The following RXFP2 variants were observed in gnomAD, a reference collection of about 807,000 sequenced individuals.
The protein encoded by RXFP2 is relaxin family peptide receptor 2, also known as relaxin receptor 2.
Under a neutral mutation model 88.6 loss-of-function variants are expected in RXFP2, and 68 were observed. The ratio of observed to expected loss-of-function variants is 0.77; its 90% confidence interval spans 0.63 to 0.94. The LOEUF is 0.94. RXFP2 is among the 40% of genes least tolerant of loss of function. RXFP2 has a pLI of 0.00. For synonymous variants in RXFP2, 329 were observed against 306.8 expected (o/e 1.07, Z -0.76); for missense variants, 791 against 893.9 (o/e 0.88, Z 1.47).
chr13:31,798,690 T>G (rs1205101236), intron 17 of RXFP2, among the ~76,000 whole-genome samples: 1 of 152,176 alleles, frequency 6.6e-6, no homozygotes, highest in African/African-American at 2.4e-5. Context: ...ATAATATTTC[T>G]TACCTCCCAC....
At chr13:31,780,725 T>A (rs1873226646) in intron 9 of RXFP2, among the ~76,000 whole-genome samples, 1 of 152,068 alleles carries the variant, frequency 6.6e-6, no homozygotes, top group Admixed American at 6.5e-5. Context: ...AATGTCAGAG[T>A]GTTCCGGAAG....
intron 1 of RXFP2, among the ~76,000 whole-genome samples, chr13:31,743,668 C>T (rs939555892): frequency 1.2e-4 from 18 of 151,854 alleles, no homozygotes; most frequent in African/African-American, 4.4e-4. Flanking sequence ...TATTTATTCT[C>T]CCCTCCTCCC....
At chr13:31,772,728 C>T (rs1593459179) in intron 5 of RXFP2, among the ~76,000 whole-genome samples, 1 of 152,136 alleles carries the variant, frequency 6.6e-6, no homozygotes, top group African/African-American at 2.4e-5. Context: ...AGAAGCTCTT[C>T]ATTATTTAAG....
Position 31,792,891 on chromosome 13 carries a change from A to G in RXFP2, c.1589A>G (p.Asn530Ser), listed in dbSNP as rs772788197. The G allele has an allele frequency of 4.3e-6, 7 of 1,614,048 alleles. No homozygotes were observed. The highest frequency in any genetic ancestry group is 1.7e-5 in the Admixed American group (1 of 60,000). ...KFLVIVFPFS[N>S]IRPGKRQTSV... ...CTGGTCATTGTCTTCCCCTTCAGTA[A>G]CATTCGACCTGGAAAACGGCAGACC... The change falls in exon 16 of 18, where the codon AAC becomes AGC. Residue 530 changes from asparagine (N) to serine (S), a missense_variant. Transcript: ENST00000298386.
At chr13:31,788,322 A>G (rs1029295440) in intron 13 of RXFP2, among the ~76,000 whole-genome samples, 1 of 152,214 alleles carries the variant, frequency 6.6e-6, no homozygotes, top group Non-Finnish European at 1.5e-5. Context: ...GGATTAGTCA[A>G]AAAGAAACCA....
chr13:31,790,031 G>C (rs1336295190), intron 14 of RXFP2, among the ~76,000 whole-genome samples: 1 of 152,280 alleles, frequency 6.6e-6, no homozygotes, highest in Non-Finnish European at 1.5e-5. Context: ...TCTTAGTATA[G>C]AGAAATTCAA....
chr13:31,782,960 C>G (rs1038367891), intron 11 of RXFP2, among the ~76,000 whole-genome samples: 1 of 152,146 alleles, frequency 6.6e-6, no homozygotes, highest in African/African-American at 2.4e-5. Context: ...ACCCTAGTTT[C>G]TCTACTTGTT....
intron 5 of RXFP2, among the ~76,000 whole-genome samples, chr13:31,770,216 C>T (rs1470115109): frequency 6.6e-6 from 1 of 152,180 alleles, no homozygotes; most frequent in East Asian, 1.9e-4. Context: ...ATCATATTCA[C>T]CTGTTCTATG....
At chr13:31,759,204 A>G (rs116628726) in intron 2 of RXFP2, among the ~76,000 whole-genome samples, 34 of 151,954 alleles carry the variant, frequency 2.2e-4, no homozygotes, top group African/African-American at 8.2e-4. Flanking sequence ...TGTGGAGTTC[A>G]CATGGGTAAT....
Position 31,802,162 on chromosome 13 carries a change from G to A in RXFP2, c.2022G>A (p.Trp674Ter). The A allele has an allele frequency of 6.2e-7, 1 of 1,613,900 alleles. No homozygotes were observed. Among genetic ancestry groups the A allele is most frequent in the Non-Finnish European group, 8.5e-7 (1 of 1,179,974 alleles). The change falls in exon 18 of 18, where the codon TGG (tryptophan) becomes TGA (stop). Residue 674 changes from tryptophan (W) to a stop codon, truncating the protein, a stop_gained. Coordinates refer to ENST00000298386, the MANE Select transcript of RXFP2 (RefSeq NM_130806.5). LOFTEE classifies it high-confidence loss of function. The part of the protein sequence containing the change: ...RVEIPDTMTS[W>*]IVIFFLPVNS... ...CTTTTCCAGACACAATGACTTCCTG[G>A]ATAGTGATTTTTTTCCTTCCAGTTA...
intron 1 of RXFP2, among the ~76,000 whole-genome samples, chr13:31,753,760 T>C (rs1871785207): frequency 6.6e-6 from 1 of 152,186 alleles, no homozygotes; most frequent in Non-Finnish European, 1.5e-5. Context: ...AGCCTAAATC[T>C]GCTGCTTTGG....
At chr13:31,793,545 T>A (rs930626482) in intron 16 of RXFP2, among the ~76,000 whole-genome samples, 1 of 152,186 alleles carries the variant, frequency 6.6e-6, no homozygotes, top group Non-Finnish European at 1.5e-5. Flanking sequence ...TTGCCTTTGT[T>A]AAATGCAGCT....
At position 31,789,144 on chromosome 13, in the gene RXFP2, C is replaced by T; in HGVS notation, c.1096C>T (p.Pro366Ser). The change falls in exon 14 of 18, where the codon CCA becomes TCA. Residue 366 changes from proline to serine, a missense_variant. By Grantham distance (74) the Pro-to-Ser change is moderately conservative. Transcript: ENST00000298386. ...CAGAGACCTGGAAAGGATAGAGATT[C>T]CAAATATAAACACACGAATGTTTCA... ...QSLDLERIEI[P>S]NINTRMFQPM... 2 of 1,608,130 alleles carry T rather than the reference C, an allele frequency of 1.2e-6. No homozygotes were observed. The highest frequency in any genetic ancestry group is 2.2e-5 in the East Asian group (1 of 44,806).
In RXFP2 at chr13:31,782,764, A is replaced by G. The variant is rs1566231354; in HGVS notation, c.929+17A>G. On this transcript the variant is annotated intron_variant, in intron 11 of 17. Coordinates refer to ENST00000298386, the MANE Select transcript of RXFP2 (RefSeq NM_130806.5). ...AGGAGAACTGTAAGTAGCATCGTCT[A>G]CTAGGAAAATATGATTGCTTCTTCC... The G allele has an allele frequency of 6.8e-7, 1 of 1,470,912 alleles. No homozygotes were observed. The highest frequency in any genetic ancestry group is 9.5e-7 in the Non-Finnish European group (1 of 1,049,974). 91.1% of individuals were successfully genotyped at this position (1,470,912 alleles called of 1,614,324 possible).
At chr13:31,765,184 C>A in intron 4 of RXFP2, 42 bp downstream of exon 4, 1 of 1,234,828 alleles carries the variant, frequency 8.1e-7, no homozygotes, top group South Asian at 1.2e-5. Flanking sequence ...TCCCTATAGT[C>A]ACATGAAAAC....
chr13:31,778,844 G>A (rs1873122386), intron 9 of RXFP2, among the ~76,000 whole-genome samples: 1 of 152,128 alleles, frequency 6.6e-6, no homozygotes, highest in Non-Finnish European at 1.5e-5. Context: ...TCGTATGCAT[G>A]TATCAAACTA....
chr13:31,743,533 C>A (rs1317877101), intron 1 of RXFP2, among the ~76,000 whole-genome samples: 1 of 151,926 alleles, frequency 6.6e-6, no homozygotes, highest in African/African-American at 2.4e-5. Context: ...AAGTAAAAAG[C>A]CTTTACAACA....
intron 10 of RXFP2, among the ~76,000 whole-genome samples, chr13:31,782,410 T>G (rs1873326136): frequency 6.6e-6 from 1 of 152,192 alleles, no homozygotes; most frequent in African/African-American, 2.4e-5. Context: ...AAAGAGACAT[T>G]TTCTAAAATA....
chr13:31,789,946 T>C (rs1174904235), intron 14 of RXFP2, among the ~76,000 whole-genome samples: 1 of 152,202 alleles, frequency 6.6e-6, no homozygotes, highest in African/African-American at 2.4e-5. Flanking sequence ...GTTTTGTTCA[T>C]TTTCTTCTGT....
Sources: gnomAD v4.1 joint callset for allele counts (sites outside exome capture counted in the v4.1 genomes callset) on GRCh38, gnomAD v4.1.1 for gene constraint, MANE v1.5 for transcripts, NCBI Gene and HGNC (gene_info 2026-07-23, HGNC 2026-07-21) for gene names.